Variants in LRRC37A2 observed in about 807,000 individuals in gnomAD.
LRRC37A2 encodes the protein leucine-rich repeat-containing protein 37A2.
In LRRC37A2, 9 loss-of-function variants were observed where a neutral mutation model predicts 68.8. The ratio of observed to expected loss-of-function variants is 0.13; its 90% confidence interval spans 0.08 to 0.23. The LOEUF (loss-of-function observed/expected upper bound fraction) is 0.23. LRRC37A2 is among the 10% of genes least tolerant of loss of function. The pLI, the probability that LRRC37A2 is intolerant of heterozygous loss-of-function variation, is 1.00. For synonymous variants in LRRC37A2, 63 were observed against 367.6 expected, an observed-to-expected ratio of 0.17 and a Z score of 9.48; for missense variants, 168 against 950.4, an observed-to-expected ratio of 0.18 and a Z score of 10.82.
chr17:46,847,995 T>C, the LRRC37A2 span, among the ~76,000 whole-genome samples: 9 of 149,424 alleles, frequency 6.0e-5, no homozygotes, highest in South Asian at 2.1e-4. Flanking sequence ...TGTGTGTGTG[T>C]GCACGTGCAT....
chr17:46,610,576 T>C, the LRRC37A2 span, among the ~76,000 whole-genome samples: 1 of 22,756 alleles, frequency 4.4e-5, no homozygotes, highest in Non-Finnish European at 6.8e-5. Flanking sequence ...AGAAACATTT[T>C]GATTCATTTA....
the LRRC37A2 span, among the ~76,000 whole-genome samples, chr17:46,853,244 G>A: frequency 1.3e-5 from 2 of 151,366 alleles, no homozygotes; most frequent in Non-Finnish European, 2.9e-5. Flanking sequence ...CTGTCTCTCA[G>A]TCTCTCAATC....
the LRRC37A2 span, among the ~76,000 whole-genome samples, chr17:47,001,490 A>G: frequency 6.6e-6 from 1 of 152,152 alleles, no homozygotes; most frequent in Non-Finnish European, 1.5e-5. Flanking sequence ...CATTTTAGGC[A>G]GATTTATTGA....
At chr17:47,036,149 A>C in the LRRC37A2 span, among the ~76,000 whole-genome samples, 3 of 152,010 alleles carry the variant, frequency 2.0e-5, no homozygotes, top group African/African-American at 7.2e-5. Context: ...GATGCACAAA[A>C]GTTTTTAATT....
the LRRC37A2 span, chr17:47,017,410 A>G: frequency 6.9e-7 from 1 of 1,446,174 alleles, no homozygotes. Flanking sequence ...GAATCTCCCC[A>G]TGCGCCTACT....
At chr17:47,011,354 G>C in the LRRC37A2 span, among the ~76,000 whole-genome samples, 2 of 152,100 alleles carry the variant, frequency 1.3e-5, no homozygotes, top group South Asian at 4.2e-4. Context: ...TTTGAGACCA[G>C]TCTGGCCAAC....
At chr17:46,840,261 T>C in the LRRC37A2 span, among the ~76,000 whole-genome samples, 1 of 152,022 alleles carries the variant, frequency 6.6e-6, no homozygotes, top group Non-Finnish European at 1.5e-5. Context: ...TAATTTTTTA[T>C]ATTTTTAGTA....
the LRRC37A2 span, chr17:46,773,648 C>G: frequency 5.7e-5 from 88 of 1,531,380 alleles, 1 homozygote; most frequent in East Asian, 1.6e-3. Flanking sequence ...CCTCCCCCCC[C>G]CTCAGCCCCA....
chr17:46,856,106 C>T, the LRRC37A2 span, among the ~76,000 whole-genome samples: 4 of 152,256 alleles, frequency 2.6e-5, no homozygotes, highest in African/African-American at 9.6e-5. Context: ...GACCTCTGCA[C>T]TGGTTGAGTT....
the LRRC37A2 span, chr17:46,726,468 C>A: frequency 7.9e-7 from 1 of 1,268,904 alleles, no homozygotes; most frequent in South Asian, 1.2e-5. Context: ...TTTAGTATTG[C>A]TCAAGAAGTA....
chr17:46,775,312 G>C, the LRRC37A2 span, among the ~76,000 whole-genome samples: 3 of 152,188 alleles, frequency 2.0e-5, no homozygotes, highest in Admixed American at 2.0e-4. Flanking sequence ...AGTGCCATGT[G>C]CCTTCCCCCG....
At chr17:46,807,545 A>T in the LRRC37A2 span, among the ~76,000 whole-genome samples, 1 of 152,088 alleles carries the variant, frequency 6.6e-6, no homozygotes. Context: ...ATAACTCAAA[A>T]CTATCCAGTC....
the LRRC37A2 span, chr17:47,042,117 T>C: frequency 5.9e-5 from 8 of 136,506 alleles, no homozygotes; most frequent in Non-Finnish European, 1.3e-4. Context: ...AGAATGTGTC[T>C]CTTAAAAAAA....
chr17:46,893,769 G>C, the LRRC37A2 span, among the ~76,000 whole-genome samples: 1 of 152,124 alleles, frequency 6.6e-6, no homozygotes, highest in African/African-American at 2.4e-5. Flanking sequence ...TGTAACTGTC[G>C]GCAAAAGAAA....
the LRRC37A2 span, among the ~76,000 whole-genome samples, chr17:46,913,167 G>A: frequency 1.3e-5 from 2 of 152,206 alleles, no homozygotes; most frequent in African/African-American, 4.8e-5. Context: ...GTTTTTAATC[G>A]CCTAAAAGCC....
At chr17:47,025,746 T>C in the LRRC37A2 span, among the ~76,000 whole-genome samples, 1 of 131,958 alleles carries the variant, frequency 7.6e-6, no homozygotes, top group South Asian at 2.8e-4. Context: ...TCATTAGTGA[T>C]GCTCTTTTGC....
the LRRC37A2 span, among the ~76,000 whole-genome samples, chr17:46,642,429 CTTTG>C: frequency 4.4e-5 from 6 of 135,696 alleles, no homozygotes; most frequent in Non-Finnish European, 7.5e-5. Flanking sequence ...TTAATTTATT[CTTTG>C]TTTGAAATAG....
At chr17:46,907,675 A>C in the LRRC37A2 span, among the ~76,000 whole-genome samples, 3 of 83,160 alleles carry the variant, frequency 3.6e-5, no homozygotes, top group Middle Eastern at 5.7e-3. Context: ...CCATCTCTAC[A>C]AAAAAAAAAA....
chr17:46,505,807 C>CT, the LRRC37A2 span, among the ~76,000 whole-genome samples: 590 of 68,610 alleles, frequency 8.6e-3, no homozygotes, highest in African/African-American at 0.045. Flanking sequence ...TAAACATTGT[C>CT]TTTTTTTTTT....
Sources: allele counts gnomAD v4.1 joint callset (sites outside exome capture counted in the v4.1 genomes callset), GRCh38; gene constraint gnomAD v4.1.1; transcripts MANE v1.5; gene names NCBI Gene and HGNC (gene_info 2026-07-23, HGNC 2026-07-21).